The following CBFA2T2 variants were observed in gnomAD, a reference collection of about 807,000 sequenced individuals.
The protein encoded by CBFA2T2 is CBFA2/RUNX1 partner transcriptional co-repressor 2.
CBFA2T2 carries 11 observed loss-of-function variants against 62.2 expected under a neutral mutation model. The observed-to-expected ratio is 0.18, with a 90% CI of 0.11 to 0.29. The LOEUF is 0.29. CBFA2T2 is among the 10% of genes least tolerant of loss of function. CBFA2T2 has a pLI of 1.00. For missense variants in CBFA2T2, 592 were observed against 774.1 expected (o/e 0.76, Z 2.79); for synonymous variants, 295 against 287.5 (o/e 1.03, Z -0.27).
rs2016868298 is a variant in CBFA2T2, at chr20:33,642,111, T to TG, written c.1488+1580_1488+1581insG. Among the ~76,000 whole-genome samples, 40 of 56,464 alleles carry TG rather than the reference T, an allele frequency of 7.1e-4. 1 individual carries two copies. Among genetic ancestry groups the TG allele is most frequent in the Admixed American group, 2.7e-3 (13 of 4,894 alleles). The allele number at this position is 56,464 out of a possible 152,430, so 37.0% of individuals were successfully genotyped here. Reference sequence around the variant, plus strand: ...TTCTCTCCTCCTCCTTTGTCTTTTTTTTTTTTGTGTGTGTGTGTGTGTGTG... The same window carrying TG: ...TTCTCTCCTCCTCCTTTGTCTTTTTTGTTTTTTGTGTGTGTGTGTGTGTGTG... On this transcript the variant is annotated intron_variant, in intron 10 of 10. Coordinates refer to ENST00000342704, the MANE Select transcript of CBFA2T2 (RefSeq NM_001032999.3).
At chr20:33,527,137 G>C (rs576687289) in intron 1 of CBFA2T2, among the ~76,000 whole-genome samples, 10 of 152,234 alleles carry the variant, frequency 6.6e-5, no homozygotes, top group African/African-American at 2.2e-4. Context: ...AAAAAGTATT[G>C]TTCTTCTTAA....
chr20:33,493,881 GT>G (rs1205502855), intron 1 of CBFA2T2, among the ~76,000 whole-genome samples: 1 of 151,774 alleles, frequency 6.6e-6, no homozygotes, highest in Non-Finnish European at 1.5e-5. Context: ...TTTATTTTTT[GT>G]TTTTTTATGG....
chr20:33,616,084 GAT>G (rs1568854477), intron 3 of CBFA2T2, among the ~76,000 whole-genome samples: 5 of 118,018 alleles, frequency 4.2e-5, no homozygotes, highest in African/African-American at 1.2e-4. Context: ...GATAGAGATA[GAT>G]AGATAGATAG....
At chr20:33,551,714 T>G (rs2012746806) in intron 1 of CBFA2T2, among the ~76,000 whole-genome samples, 1 of 152,094 alleles carries the variant, frequency 6.6e-6, no homozygotes, top group African/African-American at 2.4e-5. Context: ...GTATTTTTAG[T>G]AGAGACGGGG....
chr20:33,630,405 T>G (rs2016405418), intron 8 of CBFA2T2, among the ~76,000 whole-genome samples: 1 of 152,244 alleles, frequency 6.6e-6, no homozygotes, highest in African/African-American at 2.4e-5. Context: ...TACTAGGCAC[T>G]CTTGTGTCAT....
intron 8 of CBFA2T2, among the ~76,000 whole-genome samples, chr20:33,631,000 A>G (rs2016427708): frequency 6.6e-6 from 1 of 152,192 alleles, no homozygotes; most frequent in Admixed American, 6.5e-5. Context: ...AGAGTTATAT[A>G]GTATGATTCC....
At chr20:33,624,064 G>A (rs1033865767) in intron 5 of CBFA2T2, 2 of 530,568 alleles carry the variant, frequency 3.8e-6, no homozygotes, top group East Asian at 3.0e-5. Flanking sequence ...TTTTGAAAAA[G>A]TATAGCAATT....
chr20:33,579,492 TCTC>T (rs916450554), intron 1 of CBFA2T2, among the ~76,000 whole-genome samples: 1 of 152,082 alleles, frequency 6.6e-6, no homozygotes, highest in Non-Finnish European at 1.5e-5. Context: ...ATAAGGATAT[TCTC>T]CTATTCTTTT....
At chr20:33,555,937 C>T (rs1449737328) in intron 1 of CBFA2T2, among the ~76,000 whole-genome samples, 1 of 152,200 alleles carries the variant, frequency 6.6e-6, no homozygotes, top group Non-Finnish European at 1.5e-5. Flanking sequence ...GCAATAATGG[C>T]TCACTGCAGC....
chr20:33,627,897 C>T (rs764915671), intron 6 of CBFA2T2, among the ~76,000 whole-genome samples: 1 of 152,112 alleles, frequency 6.6e-6, no homozygotes, highest in Non-Finnish European at 1.5e-5. Context: ...CAGTATATAT[C>T]AAAACTATCC....
At chr20:33,586,584 AT>A (rs1176350667) in intron 1 of CBFA2T2, among the ~76,000 whole-genome samples, 1 of 152,156 alleles carries the variant, frequency 6.6e-6, no homozygotes, top group Non-Finnish European at 1.5e-5. Flanking sequence ...TCTATAGCAG[AT>A]TTTTGCATTG....
intron 1 of CBFA2T2, among the ~76,000 whole-genome samples, chr20:33,537,360 G>A (rs888996735): frequency 3.3e-5 from 5 of 152,030 alleles, no homozygotes; most frequent in Admixed American, 1.3e-4. Flanking sequence ...GGCAGCGCGC[G>A]CCTGCAATCG....
rs1446005659 is a variant in CBFA2T2, at chr20:33,576,349, C to CATGG, written c.35-30604_35-30601dup. ...CTTAGGAGTTTGCTCTGATGGCAGACATGGATACTTGCCCTGCCAGAGTGC... is the reference window on the plus strand; with the variant it reads ...CTTAGGAGTTTGCTCTGATGGCAGACATGGATGGATACTTGCCCTGCCAGAGTGC... On this transcript the variant is annotated intron_variant, in intron 1 of 10. Transcript: ENST00000342704. Among the ~76,000 whole-genome samples the CATGG allele has an allele frequency of 4.6e-5, 7 of 152,282 alleles. No individual in the cohort carries two copies. The East Asian group carries it at 1.4e-3, about 29-fold the overall frequency.
At chr20:33,560,839 C>G (rs2013058612) in intron 1 of CBFA2T2, among the ~76,000 whole-genome samples, 1 of 152,060 alleles carries the variant, frequency 6.6e-6, no homozygotes. Flanking sequence ...CAGGAAGAAG[C>G]CAAGACCCCC....
intron 5 of CBFA2T2, among the ~76,000 whole-genome samples, chr20:33,624,418 A>G (rs2122339006): frequency 6.6e-6 from 1 of 151,768 alleles, no homozygotes; most frequent in East Asian, 1.9e-4. Flanking sequence ...ACTCATCTCC[A>G]CAGTAACAAA....
chr20:33,644,794 A>T lies in CBFA2T2; in HGVS notation c.*148A>T. The T allele has an allele frequency of 2.6e-6, 2 of 783,916 alleles. No individual in the cohort carries two copies. Among genetic ancestry groups the T allele is most frequent in the Non-Finnish European group, 4.0e-6 (2 of 502,678 alleles). 48.6% of individuals were successfully genotyped at this position (783,916 alleles called of 1,614,324 possible). A position where few individuals can be genotyped will look rare whatever the true frequency, so the allele number is the denominator to read the frequency against. On this transcript the variant is annotated 3_prime_UTR_variant, in exon 11 of 11. Coordinates refer to ENST00000342704, the MANE Select transcript of CBFA2T2 (RefSeq NM_001032999.3). Reference sequence around the variant, plus strand: ...GAAGAGTCCAAGCCTGAATAATAACACCCCACAGCCTCTCTGTGCACTTGC... The same window carrying T: ...GAAGAGTCCAAGCCTGAATAATAACTCCCCACAGCCTCTCTGTGCACTTGC...
chr20:33,551,967 C>T (rs991946271), intron 1 of CBFA2T2, among the ~76,000 whole-genome samples: 5 of 151,938 alleles, frequency 3.3e-5, no homozygotes, highest in African/African-American at 1.2e-4. Context: ...TGATGGTCCA[C>T]AGCTGCTGTA....
intron 9 of CBFA2T2, among the ~76,000 whole-genome samples, chr20:33,637,808 C>T (rs1195056513): frequency 6.6e-6 from 1 of 151,758 alleles, no homozygotes; most frequent in Non-Finnish European, 1.5e-5. Flanking sequence ...GCTGGGATTA[C>T]AGGCATGCAC....
At chr20:33,575,660 G>A (rs1482529931) in intron 1 of CBFA2T2, among the ~76,000 whole-genome samples, 1 of 152,072 alleles carries the variant, frequency 6.6e-6, no homozygotes, top group Non-Finnish European at 1.5e-5. Flanking sequence ...AAATTATCGG[G>A]TGTTATACTA....
Sources: gnomAD v4.1 joint callset for allele counts (sites outside exome capture counted in the v4.1 genomes callset) on GRCh38, gnomAD v4.1.1 for gene constraint, MANE v1.5 for transcripts, NCBI Gene and HGNC (gene_info 2026-07-23, HGNC 2026-07-21) for gene names.